Variants in TAF4B observed in about 807,000 individuals in gnomAD.
The protein encoded by TAF4B is transcription initiation factor TFIID subunit 4B.
TAF4B carries 38 observed loss-of-function variants against 86.4 expected under a neutral mutation model. The observed-to-expected ratio is 0.44, with a 90% CI of 0.34 to 0.58. The LOEUF (loss-of-function observed/expected upper bound fraction) is 0.58, where lower values mean the gene tolerates loss of function less well. Among genes scored for constraint, TAF4B ranks in the 20% least tolerant of loss-of-function variants. TAF4B has a pLI of 0.02. For synonymous variants in TAF4B, 388 were observed against 391.2 expected, an observed-to-expected ratio of 0.99 and a Z score of 0.10; for missense variants, 988 against 1,027.6, an observed-to-expected ratio of 0.96 and a Z score of 0.53.
At chr18:26,244,432 G>A (rs1015501614) in intron 1 of TAF4B, among the ~76,000 whole-genome samples, 2 of 152,244 alleles carry the variant, frequency 1.3e-5, no homozygotes, top group African/African-American at 4.8e-5. Flanking sequence ...GAAAAGTGCA[G>A]TATTAGGATG....
chr18:26,363,893 T>C (rs1269547077), intron 14 of TAF4B, among the ~76,000 whole-genome samples: 1 of 152,192 alleles, frequency 6.6e-6, no homozygotes, highest in East Asian at 1.9e-4. Flanking sequence ...ATGCAGGTTT[T>C]TTCCTACTAA....
intron 14 of TAF4B, among the ~76,000 whole-genome samples, chr18:26,384,183 G>GGCA (rs1978310138): frequency 6.6e-6 from 1 of 152,176 alleles, no homozygotes; most frequent in Non-Finnish European, 1.5e-5. Context: ...TTGGGACTTA[G>GGCA]TGTAAATCAG....
At chr18:26,250,882 A>G (rs766880549) in intron 1 of TAF4B, among the ~76,000 whole-genome samples, 1 of 152,216 alleles carries the variant, frequency 6.6e-6, no homozygotes, top group Non-Finnish European at 1.5e-5. Flanking sequence ...AGCTGTGTAA[A>G]TGGAGGATAG....
chr18:26,236,395 C>T (rs1189995278), intron 1 of TAF4B, among the ~76,000 whole-genome samples: 1 of 152,094 alleles, frequency 6.6e-6, no homozygotes, highest in Admixed American at 6.5e-5. Flanking sequence ...AATTTCCTGG[C>T]CCTCAATGGT....
At chr18:26,256,421 G>A in intron 1 of TAF4B, 1 of 917,826 alleles carries the variant, frequency 1.1e-6, no homozygotes, top group Non-Finnish European at 1.8e-6. Context: ...TCCCCGAGGT[G>A]CAGAGTGCAC....
chr18:26,254,203 C>G (rs965716664), intron 1 of TAF4B, among the ~76,000 whole-genome samples: 1 of 152,114 alleles, frequency 6.6e-6, no homozygotes, highest in Non-Finnish European at 1.5e-5. Flanking sequence ...GCTGGGATTA[C>G]AGGCCTGAGC....
rs1373791409 is a variant in TAF4B, at chr18:26,286,014, A to T, written c.1105A>T (p.Thr369Ser). The T allele has an allele frequency of 3.7e-6, 6 of 1,614,072 alleles. No homozygotes were observed. Among genetic ancestry groups the T allele is most frequent in the Non-Finnish European group, 5.1e-6 (6 of 1,180,036 alleles). ...AGTAACAACTTCTCCTGTGGTGACA[A>T]CTACAGTGTCCTCAAGCCAGTCTGA... ...TTVTTSPVVTTTVSSSQSEKS... is the reference protein window; with the variant it reads ...TTVTTSPVVTSTVSSSQSEKS... Residue 369 changes from threonine to serine, a missense_variant, in exon 7 of 15, where the codon ACT (threonine) becomes TCT (serine). Thr to Ser is a moderately conservative substitution (Grantham distance 58). Around this residue, in one of 3 missense-constraint regions of TAF4B, gnomAD observed 747 missense variants for 737.9 expected, o/e 1.01. Coordinates refer to ENST00000269142, the MANE Select transcript of TAF4B (RefSeq NM_005640.3).
chr18:26,281,068 C>T (rs2056442998), intron 5 of TAF4B, among the ~76,000 whole-genome samples: 1 of 152,130 alleles, frequency 6.6e-6, no homozygotes. Flanking sequence ...CATGTTCTCA[C>T]TTACAAGTGG....
chr18:26,338,740 A>G lies in TAF4B; in HGVS notation c.2316+3509A>G, dbSNP rs1182774973. Among the ~76,000 whole-genome samples, 3 of 151,950 alleles carry G rather than the reference A, an allele frequency of 2.0e-5. No homozygotes were observed. The East Asian group carries it at 5.8e-4, about 29-fold the overall frequency. ...TGATCCTCCTGCCTCGGCCTCCCAA[A>G]GTGCTGGGATTACAGGCATGAGCCA... On this transcript the variant is annotated intron_variant, in intron 13 of 14. Coordinates refer to ENST00000269142, the MANE Select transcript of TAF4B (RefSeq NM_005640.3).
At chr18:26,387,475 A>C (rs1018816514) in intron 14 of TAF4B, among the ~76,000 whole-genome samples, 4 of 152,208 alleles carry the variant, frequency 2.6e-5, no homozygotes, top group Non-Finnish European at 5.9e-5. Flanking sequence ...TTCCGCAAAA[A>C]TCTTATGAAG....
At chr18:26,337,808 T>A (rs2057105077) in intron 13 of TAF4B, among the ~76,000 whole-genome samples, 2 of 152,210 alleles carry the variant, frequency 1.3e-5, no homozygotes, top group African/African-American at 2.4e-5. Flanking sequence ...ACTATCATGC[T>A]GGTATAAACT....
At chr18:26,361,693 C>T (rs2057332267) in intron 14 of TAF4B, among the ~76,000 whole-genome samples, 1 of 146,106 alleles carries the variant, frequency 6.8e-6, no homozygotes, top group East Asian at 2.0e-4. Flanking sequence ...TGCTGTGAGC[C>T]GAGATCGCGC....
intron 12 of TAF4B, among the ~76,000 whole-genome samples, chr18:26,330,131 C>T (rs1472667314): frequency 6.6e-6 from 1 of 152,138 alleles, no homozygotes; most frequent in African/African-American, 2.4e-5. Flanking sequence ...GTTGTGATGT[C>T]TGCCTAAATC....
Position 26,390,171 on chromosome 18 carries a change from C to G in TAF4B, c.*159C>G, listed in dbSNP as rs1978621652. 1 of 650,848 alleles carries G rather than the reference C, an allele frequency of 1.5e-6. No homozygotes were observed. Among genetic ancestry groups the G allele is most frequent in the Non-Finnish European group, 2.5e-6 (1 of 401,992 alleles). 40.3% of individuals were successfully genotyped at this position (650,848 alleles called of 1,614,324 possible). A position where few individuals can be genotyped will look rare whatever the true frequency, so the allele number is the denominator to read the frequency against. ...TTTATTAACTCTTACCTATCCATCT[C>G]ATGGGACTCTTACAGACTCAGATTC... On this transcript the variant is annotated 3_prime_UTR_variant, in exon 15 of 15. Transcript: ENST00000269142.
At chr18:26,274,080 T>C (rs2056353526) in intron 3 of TAF4B, among the ~76,000 whole-genome samples, 1 of 152,184 alleles carries the variant, frequency 6.6e-6, no homozygotes, top group South Asian at 2.1e-4. Context: ...TGATGCTAGC[T>C]AGAGTCACAC....
intron 12 of TAF4B, among the ~76,000 whole-genome samples, chr18:26,330,532 C>T (rs1279382529): frequency 2.0e-5 from 3 of 152,120 alleles, no homozygotes; most frequent in Non-Finnish European, 4.4e-5. Flanking sequence ...TTAGGTCATA[C>T]GGTATACTCA....
intron 7 of TAF4B, among the ~76,000 whole-genome samples, chr18:26,290,375 G>A (rs573084342): frequency 1.5e-3 from 228 of 152,206 alleles, no homozygotes; most frequent in African/African-American, 5.2e-3. Context: ...TCAAAATCCT[G>A]GCCTCAAGCA....
intron 11 of TAF4B, among the ~76,000 whole-genome samples, chr18:26,322,589 C>A (rs1161333604): frequency 6.6e-6 from 1 of 151,948 alleles, no homozygotes; most frequent in Non-Finnish European, 1.5e-5. Flanking sequence ...TGGTAATGAT[C>A]CCCCTTACAT....
intron 13 of TAF4B, among the ~76,000 whole-genome samples, chr18:26,343,677 T>C (rs1236133866): frequency 6.6e-6 from 1 of 152,222 alleles, no homozygotes; most frequent in Middle Eastern, 3.2e-3. Flanking sequence ...TGTGGATTTT[T>C]TTCAACCACT....
Sources: gnomAD v4.1 joint callset for allele counts (sites outside exome capture counted in the v4.1 genomes callset) on GRCh38, gnomAD v4.1.1 for gene constraint, gnomAD v4.1.1 regional missense constraint, MANE v1.5 for transcripts, NCBI Gene and HGNC (gene_info 2026-07-23, HGNC 2026-07-21) for gene names.